The following RNF111 variants were observed in gnomAD, a reference collection of about 807,000 sequenced individuals.
The protein encoded by RNF111 is E3 ubiquitin-protein ligase Arkadia.
A neutral mutation model predicts 95.1 loss-of-function variants in RNF111; 17 were observed. That is an observed-to-expected ratio of 0.18 (90% CI 0.12 to 0.27). The LOEUF (loss-of-function observed/expected upper bound fraction) is 0.27. Ranked by LOEUF, RNF111 falls within the 10% of genes least tolerant of loss-of-function variation. RNF111 has a pLI of 1.00. For synonymous variants in RNF111, 440 were observed against 414.8 expected (o/e 1.06, Z -0.74); for missense variants, 1,189 against 1,210.4 (o/e 0.98, Z 0.26).
At chr15:59,060,364 G>A (rs749651003) in intron 5 of RNF111, among the ~76,000 whole-genome samples, 3 of 151,788 alleles carry the variant, frequency 2.0e-5, no homozygotes, top group Non-Finnish European at 4.4e-5. Context: ...CAGCTCTTTG[G>A]GAGGCCAGGG....
rs369075153 is a variant in RNF111, at chr15:59,022,995, C to T, written c.-19-7809C>T. Among the ~76,000 whole-genome samples the T allele has an allele frequency of 1.4e-3, 215 of 152,266 alleles. 1 individual carries two copies. Among genetic ancestry groups the T allele is most frequent in the African/African-American group, 4.9e-3 (205 of 41,536 alleles). On this transcript the variant is annotated intron_variant, in intron 1 of 13. Coordinates refer to ENST00000348370, the MANE Select transcript of RNF111 (RefSeq NM_017610.8). ...GGCGCGGTGGCTTACGCCTGTAATC[C>T]CAGCACTTTGGGAGGCCGAGGCGGG... is the stretch of plus-strand genomic sequence containing the variant.
At chr15:58,996,070 C>A (rs1388547486) in intron 1 of RNF111, among the ~76,000 whole-genome samples, 1 of 151,918 alleles carries the variant, frequency 6.6e-6, no homozygotes, top group African/African-American at 2.4e-5. Flanking sequence ...TGTCATAAAG[C>A]AATTTTTTTC....
chr15:59,033,700 C>T (rs2041025584), intron 2 of RNF111, among the ~76,000 whole-genome samples: 1 of 152,118 alleles, frequency 6.6e-6, no homozygotes, highest in African/African-American at 2.4e-5. Context: ...GCCAGGGGTT[C>T]ATATAGCCTC....
chr15:59,079,594 A>G lies in RNF111; in HGVS notation c.1949-1342A>G, dbSNP rs184114576. Among the ~76,000 whole-genome samples the G allele has an allele frequency of 6.6e-5, 10 of 152,334 alleles. No individual in the cohort carries two copies. In the East Asian group the frequency reaches 1.9e-3, roughly 29 times the overall value. On this transcript the variant is annotated intron_variant, in intron 7 of 13. Coordinates refer to ENST00000348370, the MANE Select transcript of RNF111 (RefSeq NM_017610.8). ...GAAACTAGAGAATGGCTGTTGGTCTATATCAGACTTCCAAGAACATCTTCC... is the reference window on the plus strand; with the variant it reads ...GAAACTAGAGAATGGCTGTTGGTCTGTATCAGACTTCCAAGAACATCTTCC...
chr15:59,032,154 G>A (rs7169181), intron 2 of RNF111, among the ~76,000 whole-genome samples: 35,061 of 152,014 alleles, frequency 0.23, 4,326 homozygotes, highest in East Asian at 0.38. Context: ...GAACAGGCTA[G>A]TCTTGAGCTC....
chr15:59,008,729 C>A (rs536923678), intron 1 of RNF111, among the ~76,000 whole-genome samples: 2 of 152,098 alleles, frequency 1.3e-5, no homozygotes, highest in African/African-American at 4.8e-5. Flanking sequence ...TTCCTGCCTC[C>A]TTTTGGATTG....
chr15:59,045,485 G>A (rs564896572), intron 2 of RNF111, among the ~76,000 whole-genome samples: 35 of 152,068 alleles, frequency 2.3e-4, no homozygotes, highest in African/African-American at 8.0e-4. Flanking sequence ...CACTGCGCCC[G>A]GCCTTAGTTT....
rs191146011 is a variant in RNF111, at chr15:59,016,874, C to T, written c.-19-13930C>T. 3.3e-5 allele frequency among the ~76,000 whole-genome samples: 5 copies of T among 152,168 alleles called. No homozygotes were observed. The East Asian group carries it at 9.6e-4, about 29-fold the overall frequency. On this transcript the variant is annotated intron_variant, in intron 1 of 13. Coordinates refer to ENST00000348370, the MANE Select transcript of RNF111 (RefSeq NM_017610.8). ...GCTTGAGTTCTGCTTCCTGTCAGAT[C>T]AGCAGCGGCATTCTTGTAGGAGCAT...
At chr15:59,089,924 T>C (rs1451643541) in intron 11 of RNF111, among the ~76,000 whole-genome samples, 165 bp downstream of exon 11, 3 of 152,172 alleles carry the variant, frequency 2.0e-5, no homozygotes, top group African/African-American at 7.2e-5. Flanking sequence ...GTAAGTATTA[T>C]TAATCTTAGG....
chr15:58,992,298 G>A (rs2038854433), intron 1 of RNF111, among the ~76,000 whole-genome samples: 2 of 152,140 alleles, frequency 1.3e-5, no homozygotes, highest in African/African-American at 4.8e-5. Flanking sequence ...GCCCGTCTCG[G>A]CCTCCCAAAG....
chr15:59,045,321 G>A (rs1335678147), intron 2 of RNF111, among the ~76,000 whole-genome samples: 2 of 151,866 alleles, frequency 1.3e-5, no homozygotes, highest in East Asian at 3.9e-4. Flanking sequence ...CTCCCGAGTA[G>A]CTGGGACTAC....
chr15:59,024,009 A>G (rs374058593), intron 1 of RNF111, among the ~76,000 whole-genome samples: 19 of 152,174 alleles, frequency 1.2e-4, no homozygotes, highest in African/African-American at 4.6e-4. Context: ...TATATAGGAA[A>G]AAATCTTTTG....
chr15:59,043,701 A>G (rs1221198850), intron 2 of RNF111, among the ~76,000 whole-genome samples: 6 of 152,204 alleles, frequency 3.9e-5, no homozygotes, highest in African/African-American at 1.4e-4. Flanking sequence ...AAAGATACCA[A>G]CAGAGGAGTC....
rs1363251693 is a variant in RNF111, at chr15:59,074,888, C to T, written c.1687-1066C>T. Among the ~76,000 whole-genome samples the T allele has an allele frequency of 2.6e-5, 4 of 152,256 alleles. No homozygotes were observed. The Middle Eastern group carries it at 0.01, about 388-fold the overall frequency. On this transcript the variant is annotated intron_variant, in intron 6 of 13. Coordinates refer to ENST00000348370, the MANE Select transcript of RNF111 (RefSeq NM_017610.8). ...ATGAGAGATGTGCAAATCTTCCTTT[C>T]ACTTCAATACCAGAGGCCATTAATT... is the stretch of plus-strand genomic sequence containing the variant.
At chr15:59,066,319 G>T (rs763321503) in intron 5 of RNF111, among the ~76,000 whole-genome samples, 1 of 152,052 alleles carries the variant, frequency 6.6e-6, no homozygotes, top group Non-Finnish European at 1.5e-5. Context: ...TTAAGAATAT[G>T]GCACTATCAG....
intron 1 of RNF111, among the ~76,000 whole-genome samples, chr15:59,029,161 G>C (rs193248409): frequency 6.6e-6 from 1 of 151,984 alleles, no homozygotes; most frequent in Non-Finnish European, 1.5e-5. Context: ...AATATATGAG[G>C]GTTCCAATGT....
intron 8 of RNF111, 43 bp downstream of exon 8, chr15:59,081,327 C>A (rs1461571241): frequency 3.3e-6 from 5 of 1,511,606 alleles, no homozygotes; most frequent in Non-Finnish European, 4.5e-6. Context: ...TTTGCTTTTT[C>A]TTCTACTTCC....
chr15:59,085,663 C>G lies in RNF111; in HGVS notation c.2428C>G (p.Leu810Val), dbSNP rs752814276. The G allele has an allele frequency of 6.2e-7, 1 of 1,612,828 alleles. No individual in the cohort carries two copies. Among genetic ancestry groups the G allele is most frequent in the South Asian group, 1.1e-5 (1 of 90,918 alleles). ...RQAPERSAWE[L>V]GIEAGVTAAT... ...CTGTTCTCATCCTTTCGTTAGGGAA[C>G]TGGGAATTGAAGCTGGAGTGACTGC... Residue 810 changes from leucine to valine, a missense_variant, in exon 10 of 14, where the codon CTG becomes GTG. By Grantham distance (32) the Leu-to-Val change is conservative. This residue lies in a region of RNF111 where 165 missense variants were observed against 284.6 expected (regional missense o/e 0.58). Transcript: ENST00000348370.
intron 5 of RNF111, among the ~76,000 whole-genome samples, chr15:59,062,545 T>G (rs2042485640): frequency 6.6e-6 from 1 of 152,260 alleles, no homozygotes; most frequent in African/African-American, 2.4e-5. Flanking sequence ...GGCACTGTTC[T>G]AGGCAGTGGG....
Sources: allele counts gnomAD v4.1 joint callset (sites outside exome capture counted in the v4.1 genomes callset), GRCh38; gene constraint gnomAD v4.1.1; regional missense constraint gnomAD v4.1.1; transcripts MANE v1.5; gene names NCBI Gene and HGNC (gene_info 2026-07-23, HGNC 2026-07-21).